SEM1: variants seen among roughly 807,000 people sequenced by gnomAD.
SEM1 encodes the protein 26S proteasome complex subunit SEM1.
SEM1 carries 3 observed loss-of-function variants against 12.7 expected under a neutral mutation model. That is an observed-to-expected ratio of 0.24 (90% confidence interval 0.11 to 0.61). The LOEUF is 0.61. SEM1 is among the 20% of genes least tolerant of loss of function. SEM1 has a pLI of 0.88. For missense variants in SEM1, 59 were observed against 81.3 expected (o/e 0.73, Z 1.06); for synonymous variants, 30 against 27.8 (o/e 1.08, Z -0.25).
chr7:96,493,297 C>T (rs1803102582), intron 1 of SEM1, among the ~76,000 whole-genome samples: 1 of 151,920 alleles, frequency 6.6e-6, no homozygotes, highest in Admixed American at 6.6e-5. Flanking sequence ...ATTGAAGCTA[C>T]CATAATCTCA....
chr7:96,541,527 A>G (rs1804955222), intron 2 of SEM1, among the ~76,000 whole-genome samples: 1 of 140,422 alleles, frequency 7.1e-6, no homozygotes, highest in African/African-American at 2.7e-5. Context: ...ATTTGCAAAT[A>G]TTTTCTTGCA....
downstream of SEM1, among the ~76,000 whole-genome samples, chr7:96,621,156 ATTGTCCTGGAAGAG>A (rs533498634): frequency 1.8e-3 from 274 of 152,362 alleles, no homozygotes; most frequent in South Asian, 5.8e-3. Context: ...AAGTAGATTG[ATTGTCCTGGAAGAG>A]TTGTCCAGGA....
chr7:96,678,145 A>G (rs571153500), intron 2 of SEM1, among the ~76,000 whole-genome samples: 8 of 152,154 alleles, frequency 5.3e-5, no homozygotes, highest in African/African-American at 1.9e-4. Flanking sequence ...CATATTCAAA[A>G]TTGGTGAAAT....
intron 2 of SEM1, among the ~76,000 whole-genome samples, chr7:96,677,210 T>C (rs1397279503): frequency 6.6e-6 from 1 of 152,114 alleles, no homozygotes; most frequent in African/African-American, 2.4e-5. Context: ...CAGGACAGCT[T>C]CTCAGGAGTC....
chr7:96,605,056 C>T (rs1807304978), intron 2 of SEM1, among the ~76,000 whole-genome samples: 1 of 152,112 alleles, frequency 6.6e-6, no homozygotes, highest in South Asian at 2.1e-4. Flanking sequence ...ATAATAATTG[C>T]ACTTTTCTTA....
intron 2 of SEM1, among the ~76,000 whole-genome samples, chr7:96,565,634 C>G (rs760003824): frequency 7.2e-5 from 11 of 151,762 alleles, no homozygotes; most frequent in Non-Finnish European, 1.5e-4. Context: ...TAGTCTGAAG[C>G]TTGAGTAATG....
intron 2 of SEM1, among the ~76,000 whole-genome samples, chr7:96,513,766 T>A (rs181706308): frequency 2.8e-4 from 42 of 152,122 alleles, no homozygotes; most frequent in Admixed American, 1.2e-3. Context: ...GAGGCAGAGG[T>A]TGCAGTATGT....
intron 2 of SEM1, among the ~76,000 whole-genome samples, chr7:96,582,719 A>C (rs1806458131): frequency 6.6e-6 from 1 of 152,234 alleles, no homozygotes; most frequent in Non-Finnish European, 1.5e-5. Flanking sequence ...ATGTGTCCAG[A>C]AATTTATCCA....
At chr7:96,648,502 A>G (rs1033765897) in intron 2 of SEM1, among the ~76,000 whole-genome samples, 4 of 152,216 alleles carry the variant, frequency 2.6e-5, no homozygotes, top group Non-Finnish European at 4.4e-5. Flanking sequence ...CTTTCATTCA[A>G]AATGTATTTA....
intron 2 of SEM1, among the ~76,000 whole-genome samples, chr7:96,584,086 G>C (rs996641691): frequency 1.3e-5 from 2 of 152,188 alleles, no homozygotes; most frequent in Non-Finnish European, 2.9e-5. Flanking sequence ...ATTTTGGCAT[G>C]ATTTTGCAGT....
intron 2 of SEM1, among the ~76,000 whole-genome samples, chr7:96,518,861 A>G (rs963302294): frequency 4.6e-5 from 7 of 152,194 alleles, no homozygotes; most frequent in Non-Finnish European, 8.8e-5. Flanking sequence ...AATGGCCTGC[A>G]TGGCCTAGTA....
chr7:96,583,489 C>T (rs1806492069), intron 2 of SEM1, among the ~76,000 whole-genome samples: 1 of 148,724 alleles, frequency 6.7e-6, no homozygotes, highest in Non-Finnish European at 1.5e-5. Context: ...CTATTAGGTC[C>T]ACTTGGTGCA....
chr7:96,595,465 C>G (rs1806967421), intron 2 of SEM1, among the ~76,000 whole-genome samples: 1 of 152,112 alleles, frequency 6.6e-6, no homozygotes, highest in African/African-American at 2.4e-5. Context: ...TGAGCCATGA[C>G]TGCGTCACTG....
chr7:96,593,760 TC>T (rs974644628), intron 2 of SEM1, among the ~76,000 whole-genome samples: 1 of 152,100 alleles, frequency 6.6e-6, no homozygotes, highest in Admixed American at 6.6e-5. Context: ...TGAAAGAAGG[TC>T]GTTAGGAAAA....
intron 2 of SEM1, among the ~76,000 whole-genome samples, chr7:96,662,523 G>T (rs745608197): frequency 6.6e-6 from 1 of 152,094 alleles, no homozygotes; most frequent in African/African-American, 2.4e-5. Context: ...CTGTCAGGGG[G>T]TGGGAGGCAA....
At chr7:96,496,195 C>T (rs865889205) in intron 1 of SEM1, 6 of 771,086 alleles carry the variant, frequency 7.8e-6, no homozygotes, top group South Asian at 1.8e-5. Flanking sequence ...TTAAAATCAT[C>T]GTCATAGTAC....
At chr7:96,497,166 T>C (rs898529123), upstream of SEM1, among the ~76,000 whole-genome samples, 1 of 152,132 alleles carries the variant, frequency 6.6e-6, no homozygotes, top group Non-Finnish European at 1.5e-5. Flanking sequence ...CTTCATAGGT[T>C]GTTAAATTAC....
At chr7:96,685,200 TC>T (rs1180495677), downstream of SEM1, among the ~76,000 whole-genome samples, 1 of 152,128 alleles carries the variant, frequency 6.6e-6, no homozygotes, top group Non-Finnish European at 1.5e-5. Context: ...ATTATGATAG[TC>T]CTCTAAACTT....
chr7:96,697,764 C>T (rs1790143486), intron 1 of SEM1, among the ~76,000 whole-genome samples: 1 of 152,138 alleles, frequency 6.6e-6, no homozygotes, highest in Non-Finnish European at 1.5e-5. Context: ...TACTTACAAA[C>T]AGCATCACTA....
Sources: gnomAD v4.1 joint callset for allele counts (sites outside exome capture counted in the v4.1 genomes callset) on GRCh38, gnomAD v4.1.1 for gene constraint, MANE v1.5 for transcripts, NCBI Gene and HGNC (gene_info 2026-07-23, HGNC 2026-07-21) for gene names.